The following NIPAL1 variants were observed in gnomAD, a reference collection of about 807,000 sequenced individuals.
NIPAL1 encodes the protein magnesium transporter NIPA3.
Under a neutral mutation model 37.7 loss-of-function variants are expected in NIPAL1, and 35 were observed. That is an observed-to-expected ratio of 0.93 (90% CI 0.71 to 1.23). The LOEUF is 1.23. NIPAL1 is among the 50% of genes most tolerant of loss of function. The pLI is 0.00. For missense variants in NIPAL1, 412 were observed against 473.9 expected (o/e 0.87, Z 1.21); for synonymous variants, 162 against 183.0 (o/e 0.89, Z 0.93).
intron 1 of NIPAL1, among the ~76,000 whole-genome samples, chr4:48,018,516 T>G (rs1039775962): frequency 6.6e-6 from 1 of 152,252 alleles, no homozygotes; most frequent in Non-Finnish European, 1.5e-5. Context: ...CAGTCTGAGC[T>G]GTAACTTAGC....
chr4:48,023,186 A>G (rs948648699), intron 1 of NIPAL1, among the ~76,000 whole-genome samples: 1 of 152,124 alleles, frequency 6.6e-6, no homozygotes, highest in Admixed American at 6.5e-5. Flanking sequence ...CTGGGATTAC[A>G]AGGGTGAGCC....
At chr4:48,028,904 A>G (rs1715758089) in intron 2 of NIPAL1, among the ~76,000 whole-genome samples, 1 of 152,200 alleles carries the variant, frequency 6.6e-6, no homozygotes, top group Admixed American at 6.5e-5. Flanking sequence ...ATTATTAACA[A>G]GTCAAAAAAC....
In NIPAL1 at chr4:48,027,096, G is replaced by T. The variant is rs1249267683; in HGVS notation, c.313+1762G>T. Among the ~76,000 whole-genome samples the T allele has an allele frequency of 6.6e-6, 1 of 151,872 alleles. No homozygotes were observed. The highest frequency in any genetic ancestry group is 1.5e-5 in the Non-Finnish European group (1 of 67,970). Reference sequence around the variant, plus strand: ...ATAATTTATTTTATATAAAGGAAGAGATTATCTAGATTGACAAAAAAAATC... The same window carrying T: ...ATAATTTATTTTATATAAAGGAAGATATTATCTAGATTGACAAAAAAAATC... On this transcript the variant is annotated intron_variant, in intron 2 of 5. Coordinates refer to ENST00000295461, the MANE Select transcript of NIPAL1 (RefSeq NM_207330.3). This position sits in a 1 kb window ranked among gnomAD's most constrained non-coding sequence, Gnocchi z 4.1.
chr4:48,034,753 T>A, intron 4 of NIPAL1, 128 bp from the exon 5 acceptor site: 1 of 658,310 alleles, frequency 1.5e-6, no homozygotes, highest in South Asian at 1.9e-5. Context: ...GGTTTCAGTG[T>A]CATATAGCAT....
Position 48,040,113 on chromosome 4 carries a change from A to C in NIPAL1, c.*3941A>C, listed in dbSNP as rs537988183. On this transcript the variant is annotated 3_prime_UTR_variant, in exon 6 of 6. Transcript: ENST00000295461. ...AGTGTTTTTACTGTTGATTTTAGAA[A>C]GTTTATAAATCTTAAATGTTTGTAT... 1 of 152,234 alleles carries C rather than the reference A, an allele frequency of 6.6e-6. No homozygotes were observed. The highest frequency in any genetic ancestry group is 2.4e-5 in the African/African-American group (1 of 41,460). The allele number at this position is 152,234 out of a possible 1,614,324, so 9.4% of individuals were successfully genotyped here.
intron 2 of NIPAL1, among the ~76,000 whole-genome samples, chr4:48,026,463 T>C (rs1715688905): frequency 6.6e-6 from 1 of 152,224 alleles, no homozygotes; most frequent in Non-Finnish European, 1.5e-5. Context: ...ACATATGCTG[T>C]ATTAAAACAA....
intron 5 of NIPAL1, 27 bp downstream of exon 5, chr4:48,035,068 T>A: frequency 6.3e-7 from 1 of 1,588,620 alleles, no homozygotes; most frequent in Non-Finnish European, 8.6e-7. Context: ...AAAGAACCAC[T>A]CAAATTCTGC....
Position 48,035,582 on chromosome 4 carries a change from A to G in NIPAL1, c.643A>G (p.Ile215Val). 6.2e-7 allele frequency: 1 copy of G among 1,611,280 alleles called. No individual in the cohort carries two copies. The highest frequency in any genetic ancestry group is 8.5e-7 in the Non-Finnish European group (1 of 1,179,440). The stretch of plus-strand genomic sequence containing the variant: ...AACAGGGTTTATTTCCTTTGCTGTG[A>G]TCATAACTGTGATCTCCTTGGTGCT... ...RDPGFISFAV[I>V]ITVISLVLIL... Residue 215 changes from isoleucine (I) to valine (V), a missense_variant, in exon 6 of 6, where the codon ATC becomes GTC. Transcript: ENST00000295461.
chr4:48,017,552 TGCAG>T (rs1715461734), intron 1 of NIPAL1, among the ~76,000 whole-genome samples: 1 of 152,238 alleles, frequency 6.6e-6, no homozygotes, highest in Non-Finnish European at 1.5e-5. Context: ...AGCACTCGTT[TGCAG>T]GCTCTTCTTA....
chr4:48,036,165 A>G lies in NIPAL1; in HGVS notation c.1226A>G (p.Asp409Gly). ...GACGTTACCTTGTTTAGTAGAACTG[A>G]TGACTGAAGTCTCTAGAAACACTGA... ...NDDVTLFSRT[D>G]D Residue 409 changes from aspartate to glycine, a missense_variant, in exon 6 of 6, where the codon GAT becomes GGT. Coordinates refer to ENST00000295461, the MANE Select transcript of NIPAL1 (RefSeq NM_207330.3). 6.3e-7 allele frequency: 1 copy of G among 1,596,996 alleles called. No homozygotes were observed. The highest frequency in any genetic ancestry group is 8.5e-7 in the Non-Finnish European group (1 of 1,176,246).
chr4:48,020,319 C>CA (rs570377529), intron 1 of NIPAL1, among the ~76,000 whole-genome samples: 30 of 152,220 alleles, frequency 2.0e-4, no homozygotes, highest in Non-Finnish European at 4.4e-4. Flanking sequence ...TGACAGGGGA[C>CA]AGGGAGTATT....
intron 3 of NIPAL1, among the ~76,000 whole-genome samples, chr4:48,032,120 T>C (rs1715835208): frequency 6.6e-6 from 1 of 152,208 alleles, no homozygotes; most frequent in Admixed American, 6.5e-5. Flanking sequence ...GTTTTCCTAA[T>C]GGTGAATACT....
chr4:48,035,241 A>G (rs1715900282), intron 5 of NIPAL1, among the ~76,000 whole-genome samples, 200 bp downstream of exon 5: 1 of 152,232 alleles, frequency 6.6e-6, no homozygotes, highest in Non-Finnish European at 1.5e-5. Context: ...CCTGTTACAC[A>G]ATGAAAGGGA....
At chr4:48,022,647 C>T (rs1021694618) in intron 1 of NIPAL1, among the ~76,000 whole-genome samples, 11 of 152,206 alleles carry the variant, frequency 7.2e-5, no homozygotes, top group Non-Finnish European at 1.5e-4. Context: ...AAGTCAGGTC[C>T]GATGTTTTCT....
chr4:48,034,154 T>C (rs1199379387), intron 4 of NIPAL1, among the ~76,000 whole-genome samples: 1 of 152,178 alleles, frequency 6.6e-6, no homozygotes, highest in Non-Finnish European at 1.5e-5. Flanking sequence ...TAGGTCTAAG[T>C]ATCAGAGCAG....
intron 4 of NIPAL1, 45 bp downstream of exon 4, chr4:48,033,128 C>T (rs1251484311): frequency 1.7e-6 from 2 of 1,200,018 alleles, no homozygotes; most frequent in Non-Finnish European, 2.5e-6. Context: ...TATTTTAAGA[C>T]CAAGATAAAC....
At chr4:48,019,908 C>A (rs224799) in intron 1 of NIPAL1, among the ~76,000 whole-genome samples, 32,329 of 152,158 alleles carry the variant, frequency 0.21, 3,475 homozygotes, top group Middle Eastern at 0.26. Context: ...TTTCTTCAAC[C>A]CCTCAGGGTT....
intron 4 of NIPAL1, among the ~76,000 whole-genome samples, chr4:48,034,214 T>A (rs1342983982): frequency 2.0e-5 from 3 of 152,216 alleles, no homozygotes; most frequent in African/African-American, 7.2e-5. Flanking sequence ...TGTATCAAGC[T>A]TCTCCAACCC....
rs779025349 is a variant in NIPAL1 at position 48,025,170 on chromosome 4, A to T, written c.149A>T (p.Asn50Ile). The part of the protein sequence containing the change: ...LASPVLYTDL[N>I]YSINNLSISA... ...TCTCCTGTGCTCTACACGGACCTGA[A>T]TTACAGCATAAACAACTTGAGCATT... Residue 50 changes from asparagine (N) to isoleucine (I), a missense_variant, in exon 2 of 6, where the codon AAT (asparagine) becomes ATT (isoleucine). By Grantham distance (149) the Asn-to-Ile change is moderately radical (BLOSUM62 -3). Transcript: ENST00000295461. 4 of 1,614,236 alleles carry T rather than the reference A, an allele frequency of 2.5e-6. No individual in the cohort carries two copies. The highest frequency in any genetic ancestry group is 3.4e-6 in the Non-Finnish European group (4 of 1,180,024).
Sources: allele counts gnomAD v4.1 joint callset (sites outside exome capture counted in the v4.1 genomes callset), GRCh38; gene constraint gnomAD v4.1.1; non-coding constraint Gnocchi (gnomAD v3.1); transcripts MANE v1.5; gene names NCBI Gene and HGNC (gene_info 2026-07-23, HGNC 2026-07-21).